Variants in ELMO1 observed in about 807,000 individuals in gnomAD.
ELMO1 encodes the protein engulfment and cell motility protein 1.
In ELMO1, 26 loss-of-function variants were observed where a neutral mutation model predicts 98.9. The ratio of observed to expected loss-of-function variants is 0.26; its 90% confidence interval spans 0.19 to 0.36. The LOEUF (loss-of-function observed/expected upper bound fraction) is 0.36. ELMO1 is among the 10% of genes least tolerant of loss of function. ELMO1 has a pLI of 1.00. For synonymous variants in ELMO1, 346 were observed against 346.0 expected (o/e 1.00, Z 0.00); for missense variants, 627 against 935.2 (o/e 0.67, Z 4.30).
At chr7:37,124,539 C>T (rs1433285965) in intron 14 of ELMO1, among the ~76,000 whole-genome samples, 2 of 152,126 alleles carry the variant, frequency 1.3e-5, no homozygotes, top group African/African-American at 2.4e-5. Flanking sequence ...TTCACAATTG[C>T]TTCAAAGAGA....
intron 1 of ELMO1, among the ~76,000 whole-genome samples, chr7:37,439,013 A>G (rs765737283): frequency 5.3e-5 from 8 of 152,230 alleles, no homozygotes; most frequent in Non-Finnish European, 1.0e-4. Context: ...ACCCGCTGGA[A>G]GGCGGGGGCT....
At chr7:37,016,368 G>A (rs555608370) in intron 15 of ELMO1, among the ~76,000 whole-genome samples, 9 of 152,278 alleles carry the variant, frequency 5.9e-5, no homozygotes, top group Non-Finnish European at 1.2e-4. Flanking sequence ...TTTTATATAT[G>A]AGAAAGGTAA....
intron 15 of ELMO1, among the ~76,000 whole-genome samples, chr7:37,031,422 T>C (rs2129186012): frequency 6.6e-6 from 1 of 152,268 alleles, no homozygotes; most frequent in South Asian, 2.1e-4. Context: ...CATAAACTGT[T>C]TGGAAGACTT....
intron 1 of ELMO1, among the ~76,000 whole-genome samples, chr7:37,431,881 T>C (rs530049505): frequency 8.3e-4 from 127 of 152,220 alleles, no homozygotes; most frequent in Non-Finnish European, 1.6e-3. Context: ...TGTTTGTTTG[T>C]TTGTTTGTTT....
At chr7:37,336,217 C>A (rs531459651) in intron 2 of ELMO1, among the ~76,000 whole-genome samples, 158 of 151,886 alleles carry the variant, frequency 1.0e-3, no homozygotes, top group African/African-American at 3.7e-3. Context: ...CACAGTGAGA[C>A]CCTGCGTCAA....
intron 15 of ELMO1, among the ~76,000 whole-genome samples, chr7:37,068,152 C>T (rs1797082581): frequency 6.6e-6 from 1 of 152,116 alleles, no homozygotes; most frequent in Non-Finnish European, 1.5e-5. Flanking sequence ...GTTCACATGC[C>T]TCATCCCTTC....
intron 15 of ELMO1, among the ~76,000 whole-genome samples, chr7:37,088,451 T>C (rs1207617303): frequency 1.3e-5 from 2 of 152,238 alleles, no homozygotes; most frequent in Non-Finnish European, 2.9e-5. Flanking sequence ...AGCTTGTGCA[T>C]ATTCAAGTTA....
intron 1 of ELMO1, chr7:37,353,660 T>G (rs759884494): frequency 6.6e-6 from 1 of 152,148 alleles, no homozygotes; most frequent in Non-Finnish European, 1.5e-5. Flanking sequence ...TCAGGTGACC[T>G]GCGTTTATTC....
intron 1 of ELMO1, among the ~76,000 whole-genome samples, chr7:37,344,032 C>CCTTTT (rs759843000): frequency 1.4e-5 from 1 of 71,500 alleles, no homozygotes. Context: ...TAAAAGGCAG[C>CCTTTT]ATTTTTTTTT....
Position 37,152,717 on chromosome 7 carries a change from T to G in ELMO1, c.1087-19483A>C, listed in dbSNP as rs557208493. Among the ~76,000 whole-genome samples the G allele has an allele frequency of 6.4e-4, 97 of 152,322 alleles. No individual in the cohort carries two copies. In the South Asian group the frequency reaches 0.02, roughly 31 times the overall value. On this transcript the variant is annotated intron_variant, in intron 13 of 21. Transcript: ENST00000310758. Reference sequence around the variant, plus strand: ...GAGGGGTAGCTTCATTTAGTGAAGTTAAGGAGAAAAGGCTCTGGTTTAAAA... The same window carrying G: ...GAGGGGTAGCTTCATTTAGTGAAGTGAAGGAGAAAAGGCTCTGGTTTAAAA...
intron 15 of ELMO1, among the ~76,000 whole-genome samples, chr7:37,033,003 A>T (rs73688457): frequency 0.04 from 6,115 of 152,254 alleles, 364 homozygotes; most frequent in African/African-American, 0.13. Context: ...TCTACACTTC[A>T]TCTTAGCCAA....
At chr7:37,445,491 C>T (rs1382808512) in intron 1 of ELMO1, among the ~76,000 whole-genome samples, 1 of 152,146 alleles carries the variant, frequency 6.6e-6, no homozygotes, top group Non-Finnish European at 1.5e-5. Context: ...ATGAAGTAAG[C>T]ACAGTGTGTG....
intron 16 of ELMO1, among the ~76,000 whole-genome samples, chr7:36,918,106 G>A (rs1317639287): frequency 3.3e-5 from 5 of 152,166 alleles, no homozygotes; most frequent in African/African-American, 1.2e-4. Flanking sequence ...GGAAGGAAAT[G>A]GGTGTAGGGA....
chr7:37,112,726 T>C (rs1253035159), intron 14 of ELMO1, among the ~76,000 whole-genome samples: 3 of 152,204 alleles, frequency 2.0e-5, no homozygotes, highest in Non-Finnish European at 4.4e-5. Flanking sequence ...TTTTGGAACC[T>C]TGGGTTTTAC....
intron 16 of ELMO1, among the ~76,000 whole-genome samples, chr7:37,006,973 CAGAA>C (rs35685571): frequency 0.041 from 6,275 of 152,240 alleles, 152 homozygotes; most frequent in Middle Eastern, 0.085. Flanking sequence ...TGCTGTCCAA[CAGAA>C]AGCGGCAAAC....
intron 13 of ELMO1, among the ~76,000 whole-genome samples, chr7:37,162,264 A>G (rs1789276450): frequency 1.3e-5 from 2 of 152,018 alleles, no homozygotes; most frequent in African/African-American, 4.8e-5. Flanking sequence ...TTGAGAGCTT[A>G]AAAAACCCCA....
intron 16 of ELMO1, among the ~76,000 whole-genome samples, chr7:36,938,847 T>C (rs536725816): frequency 8.5e-4 from 130 of 152,284 alleles, no homozygotes; most frequent in African/African-American, 3.0e-3. Context: ...ACGTCAATTT[T>C]CAAAAAATTC....
At chr7:37,431,155 A>G (rs1423742228) in intron 1 of ELMO1, among the ~76,000 whole-genome samples, 1 of 152,110 alleles carries the variant, frequency 6.6e-6, no homozygotes, top group Non-Finnish European at 1.5e-5. Flanking sequence ...TGGGCAACAT[A>G]GCAAAACCCC....
At chr7:37,037,174 C>T (rs1298702429) in intron 15 of ELMO1, among the ~76,000 whole-genome samples, 1 of 152,152 alleles carries the variant, frequency 6.6e-6, no homozygotes, top group Non-Finnish European at 1.5e-5. Flanking sequence ...GGTGACTTTC[C>T]TATATAAAAG....
Sources: gnomAD v4.1 joint callset for allele counts (sites outside exome capture counted in the v4.1 genomes callset) on GRCh38, gnomAD v4.1.1 for gene constraint, MANE v1.5 for transcripts, NCBI Gene and HGNC (gene_info 2026-07-23, HGNC 2026-07-21) for gene names.